Variants in SCARB2 observed in about 807,000 individuals in gnomAD.
SCARB2 encodes lysosome membrane protein 2.
Under a neutral mutation model 58.6 loss-of-function variants are expected in SCARB2, and 29 were observed. The observed-to-expected ratio is 0.49, with a 90% CI of 0.37 to 0.67. The LOEUF is 0.67. Among genes scored for constraint, SCARB2 ranks in the 30% least tolerant of loss-of-function variants. The probability of loss-of-function intolerance (pLI) is 0.00; values close to 1 mark genes in which losing one functional copy is unlikely to be tolerated. For missense variants in SCARB2, 488 were observed against 578.5 expected, an observed-to-expected ratio of 0.84 and a Z score of 1.60; for synonymous variants, 195 against 210.1, an observed-to-expected ratio of 0.93 and a Z score of 0.62.
chr4:76,195,454 C>A (rs1206940903), intron 2 of SCARB2: 1 of 509,138 alleles, frequency 2.0e-6, no homozygotes, highest in Non-Finnish European at 3.5e-6. Context: ...GTTTAATAAT[C>A]ACAGTCTGCC....
chr4:76,195,452 A>T (rs1056057863), intron 2 of SCARB2: 12 of 507,708 alleles, frequency 2.4e-5, no homozygotes, highest in Non-Finnish European at 4.3e-5. Flanking sequence ...TGGTTTAATA[A>T]TCACAGTCTG....
rs139944065 is a variant in SCARB2 at position 76,165,210 on chromosome 4, T to A, written c.1239+1040A>T. ...ATGATCAGGAGCAATTGCAAAGAGATCCTATAAATTGGTAAATATTGCTTG... is the reference window on the plus strand; with the variant it reads ...ATGATCAGGAGCAATTGCAAAGAGAACCTATAAATTGGTAAATATTGCTTG... On this transcript the variant is annotated intron_variant, in intron 10 of 11. Coordinates refer to ENST00000264896, the MANE Select transcript of SCARB2 (RefSeq NM_005506.4). 7 of 152,242 alleles carry A rather than the reference T, an allele frequency of 4.6e-5. No homozygotes were observed. In the East Asian group the frequency reaches 1.4e-3, roughly 29 times the overall value. 9.4% of individuals were successfully genotyped at this position (152,242 alleles called of 1,614,324 possible).
At chr4:76,227,722 T>C (rs1733421614) in intron 1 of SCARB2, among the ~76,000 whole-genome samples, 1 of 152,186 alleles carries the variant, frequency 6.6e-6, no homozygotes, top group Non-Finnish European at 1.5e-5. Flanking sequence ...TAGGTGAGTA[T>C]ATACTTAGGA....
intron 1 of SCARB2, 150 bp downstream of exon 1, chr4:76,213,277 C>T (rs1733099937): frequency 1.4e-6 from 1 of 703,278 alleles, no homozygotes; most frequent in African/African-American, 1.8e-5. Context: ...TAACCCTCGC[C>T]TACCAAGCCC....
intron 1 of SCARB2, among the ~76,000 whole-genome samples, chr4:76,209,353 T>C (rs1315081699): frequency 6.6e-6 from 1 of 152,178 alleles, no homozygotes; most frequent in Non-Finnish European, 1.5e-5. Flanking sequence ...GATTACATTT[T>C]ACTTCTTTTT....
intron 2 of SCARB2, 144 bp from the exon 3 acceptor site, chr4:76,181,245 A>T: frequency 1.2e-6 from 1 of 810,890 alleles, no homozygotes; most frequent in Non-Finnish European, 1.9e-6. Flanking sequence ...CTAAGCCTTA[A>T]AAAGCTGGAG....
At chr4:76,162,971 C>T (rs891925140) in intron 11 of SCARB2, 21 of 603,782 alleles carry the variant, frequency 3.5e-5, no homozygotes, top group Admixed American at 5.9e-5. Flanking sequence ...ATAAAGTTAA[C>T]TCCCAGGGGA....
intron 2 of SCARB2, among the ~76,000 whole-genome samples, chr4:76,190,726 G>C (rs546356549): frequency 3.3e-5 from 5 of 152,304 alleles, no homozygotes; most frequent in African/African-American, 1.2e-4. Flanking sequence ...AAAGGTTGCA[G>C]TGAGCCAAGA....
chr4:76,224,803 T>C (rs1239925222), intron 1 of SCARB2, among the ~76,000 whole-genome samples: 1 of 152,118 alleles, frequency 6.6e-6, no homozygotes, highest in African/African-American at 2.4e-5. Flanking sequence ...TTTGGTTGCA[T>C]GGAAAAGTTC....
chr4:76,233,669 G>T (rs1440026186), intron 1 of SCARB2, among the ~76,000 whole-genome samples: 1 of 151,982 alleles, frequency 6.6e-6, no homozygotes. Flanking sequence ...CCAGTCCCCG[G>T]GTGGGGTTCT....
At chr4:76,220,592 T>G (rs1733290193) in intron 1 of SCARB2, among the ~76,000 whole-genome samples, 1 of 152,246 alleles carries the variant, frequency 6.6e-6, no homozygotes, top group Non-Finnish European at 1.5e-5. Context: ...GCCACTGTAC[T>G]CCAGCCTGTG....
chr4:76,219,535 C>T (rs535125214), intron 1 of SCARB2, among the ~76,000 whole-genome samples: 100 of 152,190 alleles, frequency 6.6e-4, no homozygotes, highest in African/African-American at 2.2e-3. Context: ...CGAGAGGTCA[C>T]AGTTATTCTT....
At chr4:76,233,281 G>A (rs1286604555) in intron 1 of SCARB2, among the ~76,000 whole-genome samples, 1 of 108,932 alleles carries the variant, frequency 9.2e-6, no homozygotes, top group African/African-American at 3.2e-5. Flanking sequence ...TGTGTCCCCA[G>A]GCCTTACCAG....
At chr4:76,211,641 T>C (rs937945229) in intron 1 of SCARB2, among the ~76,000 whole-genome samples, 4 of 152,166 alleles carry the variant, frequency 2.6e-5, no homozygotes, top group Non-Finnish European at 2.9e-5. Context: ...AGCTGGGACA[T>C]AGTGGAAGCT....
intron 4 of SCARB2, chr4:76,176,898 C>G: frequency 5.4e-6 from 1 of 184,164 alleles, no homozygotes; most frequent in Non-Finnish European, 1.1e-5. Context: ...CTGGCCTGCT[C>G]TATGGATTTC....
At chr4:76,214,354 G>A (rs567640375), upstream of SCARB2, 1 of 452,672 alleles carries the variant, frequency 2.2e-6, no homozygotes, top group South Asian at 1.6e-5. Flanking sequence ...AGTTTGTCAC[G>A]TAAGGGGCAT....
intron 1 of SCARB2, 122 bp downstream of exon 1, chr4:76,213,305 A>G: frequency 1.3e-6 from 1 of 749,274 alleles, no homozygotes; most frequent in Admixed American, 2.0e-5. Flanking sequence ...CAGGGACGCA[A>G]GAAGAGCTCT....
chr4:76,184,434 T>C (rs1179257498), intron 2 of SCARB2, among the ~76,000 whole-genome samples: 1 of 152,222 alleles, frequency 6.6e-6, no homozygotes, highest in Non-Finnish European at 1.5e-5. Flanking sequence ...TGAAGTTCAG[T>C]GTTTGCAGTG....
chr4:76,203,304 C>T (rs1340120782), intron 1 of SCARB2, among the ~76,000 whole-genome samples: 1 of 152,146 alleles, frequency 6.6e-6, no homozygotes, highest in Non-Finnish European at 1.5e-5. Flanking sequence ...TTAGAATAGA[C>T]TCCTAGATTG....
Sources: gnomAD v4.1 joint callset for allele counts (sites outside exome capture counted in the v4.1 genomes callset) on GRCh38, gnomAD v4.1.1 for gene constraint, MANE v1.5 for transcripts, NCBI Gene and HGNC (gene_info 2026-07-23, HGNC 2026-07-21) for gene names.